The following NFIA variants were observed in gnomAD, a reference collection of about 807,000 sequenced individuals.
The protein encoded by NFIA is nuclear factor 1 A-type.
In NFIA, 8 loss-of-function variants were observed where a neutral mutation model predicts 62.8. The ratio of observed to expected loss-of-function variants is 0.13; its 90% confidence interval spans 0.07 to 0.23. The LOEUF (loss-of-function observed/expected upper bound fraction) is 0.23. Ranked by LOEUF, NFIA falls within the 10% of genes least tolerant of loss-of-function variation. NFIA has a pLI of 1.00. For missense variants in NFIA, 410 were observed against 642.1 expected (o/e 0.64, Z 3.91); for synonymous variants, 235 against 238.1 (o/e 0.99, Z 0.12).
chr1:61,263,115 A>G (rs1656871909), intron 2 of NFIA, among the ~76,000 whole-genome samples: 2 of 152,026 alleles, frequency 1.3e-5, no homozygotes, highest in South Asian at 4.1e-4. Flanking sequence ...TCCTTTTCCA[A>G]CTATTTCTCC....
At chr1:61,301,710 T>G (rs956185748) in intron 3 of NFIA, among the ~76,000 whole-genome samples, 4 of 152,174 alleles carry the variant, frequency 2.6e-5, no homozygotes, top group African/African-American at 7.2e-5. Flanking sequence ...GAAATGAGGT[T>G]TAGAATGCAG....
chr1:61,269,117 C>T (rs1287383956), intron 2 of NFIA, among the ~76,000 whole-genome samples: 2 of 151,478 alleles, frequency 1.3e-5, no homozygotes, highest in Admixed American at 1.3e-4. Flanking sequence ...ACAAGCTAAA[C>T]CAATTTGATT....
chr1:61,285,276 T>A (rs944202941), intron 3 of NFIA, among the ~76,000 whole-genome samples: 3 of 152,086 alleles, frequency 2.0e-5, no homozygotes, highest in Non-Finnish European at 4.4e-5. Flanking sequence ...ACCAGCGTGG[T>A]GAAAGATCAG....
chr1:61,126,609 T>C (rs2100480942), intron 2 of NFIA, among the ~76,000 whole-genome samples: 1 of 152,222 alleles, frequency 6.6e-6, no homozygotes, highest in East Asian at 1.9e-4. Context: ...GCCTGATTCA[T>C]CAGCCAATTG....
intron 2 of NFIA, among the ~76,000 whole-genome samples, chr1:61,191,728 T>C (rs964894051): frequency 3.3e-5 from 5 of 152,148 alleles, no homozygotes; most frequent in African/African-American, 9.7e-5. Context: ...CCTACATCCA[T>C]CATACAAAAT....
intron 5 of NFIA, among the ~76,000 whole-genome samples, chr1:61,355,965 G>C (rs1662931372): frequency 6.6e-6 from 1 of 152,148 alleles, no homozygotes. Flanking sequence ...TCAACTCTAG[G>C]ATTTAATACT....
chr1:61,283,400 G>C (rs1481488502), intron 3 of NFIA, among the ~76,000 whole-genome samples: 5 of 149,394 alleles, frequency 3.3e-5, no homozygotes, highest in Non-Finnish European at 7.4e-5. Context: ...GTAAAACCCG[G>C]TCTCTACTAA....
chr1:61,320,993 G>A (rs1452031058), intron 3 of NFIA, among the ~76,000 whole-genome samples: 1 of 152,078 alleles, frequency 6.6e-6, no homozygotes, highest in Admixed American at 6.6e-5. Context: ...AGTTGTTACT[G>A]TCCAAGTTTA....
At chr1:61,117,698 C>T (rs1426390310) in intron 2 of NFIA, among the ~76,000 whole-genome samples, 1 of 152,080 alleles carries the variant, frequency 6.6e-6, no homozygotes, top group African/African-American at 2.4e-5. Context: ...ATTTGGTGTC[C>T]TGACAGACTG....
chr1:61,176,780 A>G (rs533982497), intron 2 of NFIA, among the ~76,000 whole-genome samples: 1 of 152,144 alleles, frequency 6.6e-6, no homozygotes, highest in Non-Finnish European at 1.5e-5. Flanking sequence ...TCAAATTGCA[A>G]TAAACTGATT....
chr1:61,262,670 A>G (rs1386789682), intron 2 of NFIA, among the ~76,000 whole-genome samples: 2 of 152,210 alleles, frequency 1.3e-5, no homozygotes, highest in African/African-American at 4.8e-5. Context: ...TCAATAGATG[A>G]GTTATTAAAG....
At chr1:61,080,304 C>A (rs1052740649), upstream of NFIA, among the ~76,000 whole-genome samples, 2 of 150,624 alleles carry the variant, frequency 1.3e-5, no homozygotes, top group Non-Finnish European at 3.0e-5. Flanking sequence ...AAAAACAGGG[C>A]GACATGCCAG....
intron 2 of NFIA, among the ~76,000 whole-genome samples, chr1:61,104,724 A>C (rs1246878526): frequency 1.3e-5 from 2 of 152,084 alleles, no homozygotes; most frequent in African/African-American, 4.8e-5. Context: ...TGGTTTCAGC[A>C]AGAAATGATG....
In NFIA at chr1:61,088,752, C is replaced by T. The variant is rs4915727; in HGVS notation, c.559+72C>T. ...TTTCCTGATGGCCTCCGCGTTATGC[C>T]GGATTCTTCCTGAGCTCCCCAAGTT... On this transcript the variant is annotated intron_variant, in intron 2 of 10. Transcript: ENST00000403491. The surrounding 1 kb of genome is among the most constrained non-coding windows in gnomAD (Gnocchi z 4.5). 3.8e-4 allele frequency: 577 copies of T among 1,506,944 alleles called. 1 individual carries two copies. The highest frequency in any genetic ancestry group is 1.1e-3 in the Admixed American group (55 of 49,540). 93.3% of individuals were successfully genotyped at this position (1,506,944 alleles called of 1,614,324 possible).
At chr1:61,423,076 G>A (rs536378726) in intron 9 of NFIA, among the ~76,000 whole-genome samples, 2 of 152,208 alleles carry the variant, frequency 1.3e-5, no homozygotes, top group South Asian at 4.2e-4. Context: ...TGTAGTGCAG[G>A]CCAAACTAAG....
intron 3 of NFIA, among the ~76,000 whole-genome samples, chr1:61,306,426 C>G (rs775547185): frequency 1.3e-5 from 2 of 151,998 alleles, no homozygotes; most frequent in Non-Finnish European, 2.9e-5. Flanking sequence ...CAGGCGCACA[C>G]CACCATGCCT....
intron 2 of NFIA, among the ~76,000 whole-genome samples, chr1:61,171,771 G>A (rs1262774850): frequency 6.6e-6 from 1 of 152,094 alleles, no homozygotes; most frequent in Admixed American, 6.6e-5. Context: ...TTGTCATAAG[G>A]TTGTACCCTT....
chr1:61,141,241 C>T (rs757742101), intron 2 of NFIA, among the ~76,000 whole-genome samples: 2 of 152,058 alleles, frequency 1.3e-5, no homozygotes, highest in Non-Finnish European at 2.9e-5. Flanking sequence ...GCCTCAAACC[C>T]CTGCTCAGCA....
chr1:61,213,604 C>T (rs1038101180), intron 2 of NFIA, among the ~76,000 whole-genome samples: 1 of 152,136 alleles, frequency 6.6e-6, no homozygotes, highest in Non-Finnish European at 1.5e-5. Context: ...ACTGTTTTCC[C>T]AGGATAAAAT....
Sources: gnomAD v4.1 joint callset for allele counts (sites outside exome capture counted in the v4.1 genomes callset) on GRCh38, gnomAD v4.1.1 for gene constraint, Gnocchi (gnomAD v3.1) non-coding constraint, MANE v1.5 for transcripts, NCBI Gene and HGNC (gene_info 2026-07-23, HGNC 2026-07-21) for gene names.